Variants in XKR9 observed in about 807,000 individuals in gnomAD.
The protein encoded by XKR9 is XK related 9, also known as XK-related protein 9.
In XKR9, 32 loss-of-function variants were observed where a neutral mutation model predicts 32.0. The ratio of observed to expected loss-of-function variants is 1.00; its 90% CI spans 0.76 to 1.34. XKR9 has a LOEUF of 1.34. Among genes scored for constraint, XKR9 ranks in the 40% most tolerant of loss-of-function variants. The probability of loss-of-function intolerance (pLI) is 0.00; values close to 1 mark genes in which losing one functional copy is unlikely to be tolerated. For missense variants in XKR9, 546 were observed against 429.7 expected (o/e 1.27, Z -2.39); for synonymous variants, 168 against 143.4 (o/e 1.17, Z -1.22).
the XKR9 span, among the ~76,000 whole-genome samples, chr8:71,021,702 CGTGTCAGCCAG>C: frequency 2.0e-5 from 3 of 151,944 alleles, no homozygotes; most frequent in African/African-American, 4.8e-5. Context: ...GGGGTTTCAC[CGTGTCAGCCAG>C]GATGGTCTCG....
chr8:70,904,152 G>A, the XKR9 span, among the ~76,000 whole-genome samples: 2 of 152,210 alleles, frequency 1.3e-5, no homozygotes, highest in African/African-American at 4.8e-5. Context: ...GTGCAGAGCT[G>A]AGTTCAATTC....
the XKR9 span, among the ~76,000 whole-genome samples, chr8:70,933,321 C>T: frequency 6.6e-6 from 1 of 151,910 alleles, no homozygotes; most frequent in Non-Finnish European, 1.5e-5. Context: ...AAGGAACCAA[C>T]AATGATGGAA....
intron 2 of XKR9, among the ~76,000 whole-genome samples, chr8:70,762,663 A>G (rs568199053): frequency 6.6e-6 from 1 of 152,306 alleles, no homozygotes; most frequent in East Asian, 1.9e-4. Context: ...TTTTGAAAAT[A>G]ATAATATATA....
At chr8:71,057,760 C>T in the XKR9 span, among the ~76,000 whole-genome samples, 1 of 151,494 alleles carries the variant, frequency 6.6e-6, no homozygotes, top group Non-Finnish European at 1.5e-5. Context: ...CATTGTGTGA[C>T]ACTGAACTCA....
chr8:70,845,565 G>A, the XKR9 span, among the ~76,000 whole-genome samples: 6 of 152,122 alleles, frequency 3.9e-5, no homozygotes, highest in Non-Finnish European at 8.8e-5. Context: ...AGATATGAAT[G>A]TAAAATTCAC....
At chr8:70,702,961 C>A (rs980968995) in intron 3 of XKR9, among the ~76,000 whole-genome samples, 1 of 152,144 alleles carries the variant, frequency 6.6e-6, no homozygotes, top group Non-Finnish European at 1.5e-5. Flanking sequence ...AGCCAACACT[C>A]TCATTGTTTC....
chr8:70,843,591 G>A, the XKR9 span, among the ~76,000 whole-genome samples: 2 of 152,138 alleles, frequency 1.3e-5, no homozygotes, highest in African/African-American at 2.4e-5. Context: ...AAACACCTAA[G>A]GCACAGAAGA....
intron 2 of XKR9, among the ~76,000 whole-genome samples, chr8:70,776,947 C>CTCTCTCTATACATATATATA: frequency 1.8e-5 from 1 of 54,222 alleles, no homozygotes; most frequent in African/African-American, 7.9e-5. Context: ...CTCTCTCTCT[C>CTCTCTCTATACATATATATA]TATATATATA....
chr8:70,853,919 G>T, the XKR9 span, among the ~76,000 whole-genome samples: 1 of 152,120 alleles, frequency 6.6e-6, no homozygotes, highest in African/African-American at 2.4e-5. Flanking sequence ...TCTTAATCCA[G>T]TCTATCATTG....
At chr8:70,683,586 C>A in intron 3 of XKR9, 1 of 448,122 alleles carries the variant, frequency 2.2e-6, no homozygotes, top group Non-Finnish European at 4.5e-6. Flanking sequence ...CTCCTTGGTT[C>A]AAGAGATTCT....
chr8:70,728,144 A>G (rs1286571669), intron 4 of XKR9, among the ~76,000 whole-genome samples: 3 of 152,182 alleles, frequency 2.0e-5, no homozygotes, highest in Admixed American at 6.5e-5. Context: ...CCCAGGAATG[A>G]ACAAGGAGAG....
chr8:70,944,349 C>T, the XKR9 span, among the ~76,000 whole-genome samples: 1 of 152,064 alleles, frequency 6.6e-6, no homozygotes, highest in African/African-American at 2.4e-5. Flanking sequence ...TTGCCAAACA[C>T]AGAAAATCTC....
chr8:71,061,557 A>G, the XKR9 span, among the ~76,000 whole-genome samples: 1 of 152,214 alleles, frequency 6.6e-6, no homozygotes, highest in Non-Finnish European at 1.5e-5. Flanking sequence ...AAAGTTCACC[A>G]AATGGTTTCT....
At chr8:71,004,350 T>C in the XKR9 span, among the ~76,000 whole-genome samples, 2 of 151,978 alleles carry the variant, frequency 1.3e-5, no homozygotes, top group African/African-American at 4.8e-5. Context: ...TTTGCCCCCA[T>C]AGAGAGAAAA....
intron 2 of XKR9, among the ~76,000 whole-genome samples, chr8:70,772,964 C>G (rs1807473667): frequency 6.6e-6 from 1 of 152,042 alleles, no homozygotes. Context: ...AATGCTATGT[C>G]CATTGGCTTG....
chr8:71,012,456 T>C, the XKR9 span, among the ~76,000 whole-genome samples: 7 of 152,176 alleles, frequency 4.6e-5, no homozygotes, highest in African/African-American at 2.4e-5. Context: ...CTCTAAGCTT[T>C]TGGCTCCAAA....
the XKR9 span, among the ~76,000 whole-genome samples, chr8:70,843,438 C>T: frequency 0.11 from 16,501 of 152,010 alleles, 1,420 homozygotes; most frequent in Admixed American, 0.28. Context: ...AAAAGTTACC[C>T]TAGAGAGAGG....
downstream of XKR9, among the ~76,000 whole-genome samples, chr8:70,795,178 TGTTCATAG>T (rs1807812662): frequency 6.6e-6 from 1 of 152,068 alleles, no homozygotes; most frequent in African/African-American, 2.4e-5. Context: ...CTCCTCTATG[TGTTCATAG>T]GTTCTCATTA....
the XKR9 span, among the ~76,000 whole-genome samples, chr8:71,022,700 A>T: frequency 0.43 from 65,832 of 151,972 alleles, 15,314 homozygotes; most frequent in Non-Finnish European, 0.53. Flanking sequence ...TTAGTTTTTT[A>T]AAAGTAGGTT....
Sources: allele counts gnomAD v4.1 joint callset (sites outside exome capture counted in the v4.1 genomes callset), GRCh38; gene constraint gnomAD v4.1.1; transcripts MANE v1.5; gene names NCBI Gene and HGNC (gene_info 2026-07-23, HGNC 2026-07-21).